Variants in ZNF138 observed in about 807,000 individuals in gnomAD.
The protein encoded by ZNF138 is zinc finger protein 138.
In ZNF138, 33 loss-of-function variants were observed where a neutral mutation model predicts 33.0. That is an observed-to-expected ratio of 1.00 (90% CI 0.76 to 1.34). ZNF138 has a LOEUF of 1.34. Among genes scored for constraint, ZNF138 ranks in the 40% most tolerant of loss-of-function variants. The probability of loss-of-function intolerance (pLI) is 0.00; values close to 1 mark genes in which losing one functional copy is unlikely to be tolerated. For synonymous variants in ZNF138, 139 were observed against 120.4 expected, an observed-to-expected ratio of 1.15 and a Z score of -1.01; for missense variants, 360 against 370.8, an observed-to-expected ratio of 0.97 and a Z score of 0.24.
At chr7:64,834,650 TTTTG>T (rs1790309664), downstream of ZNF138, among the ~76,000 whole-genome samples, 4 of 152,324 alleles carry the variant, frequency 2.6e-5, no homozygotes, top group South Asian at 2.1e-4. Flanking sequence ...AGAGATTCTT[TTTTG>T]TTATGTCAAT....
the ZNF138 span, among the ~76,000 whole-genome samples, chr7:64,845,155 C>T: frequency 6.6e-6 from 1 of 152,228 alleles, no homozygotes; most frequent in Admixed American, 6.5e-5. Context: ...CATAACTTAG[C>T]TCCAACTTAT....
At chr7:64,841,855 TTAAGA>T in the ZNF138 span, among the ~76,000 whole-genome samples, 1 of 152,196 alleles carries the variant, frequency 6.6e-6, no homozygotes, top group African/African-American at 2.4e-5. Flanking sequence ...GATCAGTTAA[TTAAGA>T]TAAAACGCAT....
At chr7:64,816,329 A>G (rs1788632299) in intron 3 of ZNF138, among the ~76,000 whole-genome samples, 3 of 152,018 alleles carry the variant, frequency 2.0e-5, no homozygotes, top group Admixed American at 2.0e-4. Context: ...TTTTGAATCC[A>G]TATAAATAAA....
At chr7:64,821,055 TG>T (rs1789098271) in intron 3 of ZNF138, among the ~76,000 whole-genome samples, 2 of 6,032 alleles carry the variant, frequency 3.3e-4, no homozygotes, top group African/African-American at 4.7e-4. Flanking sequence ...GTTTTGTTTT[TG>T]GTTTTTTTGT....
At chr7:64,836,369 TG>T (rs1417282801), downstream of ZNF138, 3 of 152,236 alleles carry the variant, frequency 2.0e-5, no homozygotes, top group African/African-American at 7.2e-5. Context: ...GGGGAGGACT[TG>T]GCCTGGTCAG....
Position 64,832,935 on chromosome 7 carries a change from G to T in ZNF138, c.*733G>T. ...GAAACCCTACAAATGTGAACGATGT[G>T]GCAGTTGTTTTAACTAGTTCTCGAA... On this transcript the variant is annotated 3_prime_UTR_variant, in exon 4 of 4. Coordinates refer to ENST00000307355, the MANE Select transcript of ZNF138 (RefSeq NM_001271639.2). 2.6e-6 allele frequency: 1 copy of T among 385,950 alleles called. No individual in the cohort carries two copies. The highest frequency in any genetic ancestry group is 2.1e-5 in the South Asian group (1 of 48,314). 23.9% of individuals were successfully genotyped at this position (385,950 alleles called of 1,614,324 possible). A position where few individuals can be genotyped will look rare whatever the true frequency, so the allele number is the denominator to read the frequency against.
the ZNF138 span, among the ~76,000 whole-genome samples, chr7:64,839,636 G>T: frequency 5.9e-5 from 9 of 152,140 alleles, no homozygotes; most frequent in African/African-American, 2.2e-4. Context: ...CTGCCGAATT[G>T]GACTGGAGTA....
At chr7:64,794,850 G>A (rs1786559817) in intron 1 of ZNF138, among the ~76,000 whole-genome samples, 1 of 152,190 alleles carries the variant, frequency 6.6e-6, no homozygotes, top group African/African-American at 2.4e-5. Context: ...GTGCAGAGAC[G>A]ACGGGAGGGT....
chr7:64,819,003 T>A (rs1007021073), intron 3 of ZNF138, among the ~76,000 whole-genome samples: 1 of 152,196 alleles, frequency 6.6e-6, no homozygotes, highest in Non-Finnish European at 1.5e-5. Flanking sequence ...TATTAGTGTG[T>A]TTTTTCAGTG....
intron 1 of ZNF138, among the ~76,000 whole-genome samples, chr7:64,796,186 C>A (rs1470264806): frequency 6.6e-6 from 1 of 152,158 alleles, no homozygotes; most frequent in Non-Finnish European, 1.5e-5. Flanking sequence ...ATGATAGTAT[C>A]CAAAAAGACA....
At chr7:64,824,867 CTT>C (rs57401048) in intron 3 of ZNF138, among the ~76,000 whole-genome samples, 143,486 of 146,324 alleles carry the variant, frequency 0.98, 70,378 homozygotes, top group East Asian at 1. Context: ...TTATGAGTCT[CTT>C]TTTTTTTTTT....
chr7:64,818,289 A>G (rs1788841728), intron 3 of ZNF138, among the ~76,000 whole-genome samples: 1 of 151,996 alleles, frequency 6.6e-6, no homozygotes, highest in Admixed American at 6.6e-5. Flanking sequence ...CCCAGCCTGA[A>G]TATTTCTTTT....
chr7:64,841,815 TAGAG>T, the ZNF138 span, among the ~76,000 whole-genome samples: 1 of 152,176 alleles, frequency 6.6e-6, no homozygotes, highest in Non-Finnish European at 1.5e-5. Flanking sequence ...TGGTTTTAGT[TAGAG>T]AGTTTGCTTA....
chr7:64,816,461 T>C (rs1338781850), intron 3 of ZNF138, among the ~76,000 whole-genome samples: 1 of 17,796 alleles, frequency 5.6e-5, no homozygotes. Flanking sequence ...ATTGTAAAGA[T>C]TGTTTTCTTT....
chr7:64,822,351 ATGT>A (rs1236124440), intron 3 of ZNF138, among the ~76,000 whole-genome samples: 2 of 151,680 alleles, frequency 1.3e-5, no homozygotes, highest in Non-Finnish European at 2.9e-5. Flanking sequence ...CATGCATTTA[ATGT>A]TGTGTCTAAG....
intron 1 of ZNF138, among the ~76,000 whole-genome samples, 154 bp from the exon 2 acceptor site, chr7:64,814,762 CAA>C (rs56168096): frequency 2.7e-5 from 4 of 148,546 alleles, no homozygotes; most frequent in Non-Finnish European, 4.5e-5. Flanking sequence ...GACTCTGTCT[CAA>C]AAAAAAAAAA....
chr7:64,832,612 AC>A lies in ZNF138; in HGVS notation c.*412del. Reference sequence around the variant, plus strand: ...TGTGAAGAATGTGGCAAAGCTTTTAACCAGTCCTCACACCTTATGAGACATA... The same window carrying A: ...TGTGAAGAATGTGGCAAAGCTTTTAACAGTCCTCACACCTTATGAGACATA... On this transcript the variant is annotated 3_prime_UTR_variant, in exon 4 of 4. Transcript: ENST00000307355. The A allele has an allele frequency of 2.0e-6, 1 of 498,108 alleles. No homozygotes were observed. Among genetic ancestry groups the A allele is most frequent in the Admixed American group, 2.4e-5 (1 of 41,320 alleles). The allele number at this position is 498,108 out of a possible 1,614,324, so 30.9% of individuals were successfully genotyped here.
At chr7:64,804,919 C>T (rs1377302967) in intron 1 of ZNF138, among the ~76,000 whole-genome samples, 2 of 152,172 alleles carry the variant, frequency 1.3e-5, no homozygotes, top group Non-Finnish European at 2.9e-5. Flanking sequence ...TTCTTCATAA[C>T]ACCCGTGTTT....
chr7:64,830,549 C>CT (rs1790002089), intron 3 of ZNF138, among the ~76,000 whole-genome samples: 1 of 152,086 alleles, frequency 6.6e-6, no homozygotes, highest in Non-Finnish European at 1.5e-5. Context: ...TCTTGAACTC[C>CT]TGACATCAGG....
Sources: allele counts gnomAD v4.1 joint callset (sites outside exome capture counted in the v4.1 genomes callset), GRCh38; gene constraint gnomAD v4.1.1; transcripts MANE v1.5; gene names NCBI Gene and HGNC (gene_info 2026-07-23, HGNC 2026-07-21).